Variants in FER1L6 observed in about 807,000 individuals in gnomAD.
FER1L6 encodes the protein fer-1 like family member 6.
Under a neutral mutation model 219.2 loss-of-function variants are expected in FER1L6, and 177 were observed. The ratio of observed to expected loss-of-function variants is 0.81; its 90% CI spans 0.71 to 0.91. The LOEUF (loss-of-function observed/expected upper bound fraction) is 0.91. Ranked by LOEUF, FER1L6 falls within the 40% of genes least tolerant of loss-of-function variation. The pLI, the probability that FER1L6 is intolerant of heterozygous loss-of-function variation, is 0.00. For synonymous variants in FER1L6, 768 were observed against 824.3 expected (o/e 0.93, Z 1.17); for missense variants, 2,153 against 2,259.9 (o/e 0.95, Z 0.96).
chr8:123,865,357 TG>T (rs1253325424), intron 1 of FER1L6, among the ~76,000 whole-genome samples: 1 of 149,918 alleles, frequency 6.7e-6, no homozygotes, highest in Non-Finnish European at 1.5e-5. Flanking sequence ...TCCAGCTGCG[TG>T]CTGGGAGAAC....
chr8:124,097,662 G>A (rs2130970254), intron 36 of FER1L6, 123 bp from the exon 37 acceptor site: 1 of 649,982 alleles, frequency 1.5e-6, no homozygotes, highest in Admixed American at 2.6e-5. Context: ...CCTAAGTGTT[G>A]ATATTTCTGA....
At chr8:123,991,046 T>C (rs916209871) in intron 12 of FER1L6, among the ~76,000 whole-genome samples, 1 of 152,250 alleles carries the variant, frequency 6.6e-6, no homozygotes, top group Admixed American at 6.5e-5. Flanking sequence ...TTCTGGGTTC[T>C]CTGTTCTGTT....
At chr8:124,016,022 T>C (rs537745102) in intron 15 of FER1L6, 42 of 152,942 alleles carry the variant, frequency 2.7e-4, no homozygotes, top group African/African-American at 9.9e-4. Flanking sequence ...AGGATGTCCA[T>C]AGCCAGCAGA....
rs117877821 is a variant in FER1L6, at chr8:123,911,517, A to C, written c.-7-44475A>C. On this transcript the variant is annotated intron_variant, in intron 1 of 40. Transcript: ENST00000522917. Reference sequence around the variant, plus strand: ...AGAAACCCTCTGTTAATCTTCAGAGAGATTAAGAAGCTTGATCAAAGGCAA... The same window carrying C: ...AGAAACCCTCTGTTAATCTTCAGAGCGATTAAGAAGCTTGATCAAAGGCAA... Among the ~76,000 whole-genome samples, 724 of 152,238 alleles carry C rather than the reference A, an allele frequency of 4.8e-3. 2 individuals carry two copies. Among genetic ancestry groups the C allele is most frequent in the Middle Eastern group, 0.017 (5 of 294 alleles).
At chr8:123,925,294 T>C (rs915769439) in intron 1 of FER1L6, among the ~76,000 whole-genome samples, 2 of 152,202 alleles carry the variant, frequency 1.3e-5, no homozygotes, top group Non-Finnish European at 2.9e-5. Flanking sequence ...TGACAGTGTT[T>C]CACTCATCTG....
chr8:124,097,081 A>G (rs955823331), intron 35 of FER1L6, among the ~76,000 whole-genome samples, 190 bp from the exon 36 acceptor site: 7 of 45,870 alleles, frequency 1.5e-4, no homozygotes, highest in Non-Finnish European at 3.4e-4. Flanking sequence ...AGATATATAT[A>G]TATATATATA....
intron 16 of FER1L6, among the ~76,000 whole-genome samples, chr8:124,019,422 C>T (rs1277577397): frequency 1.3e-5 from 2 of 152,182 alleles, no homozygotes; most frequent in Non-Finnish European, 2.9e-5. Flanking sequence ...ATTGTTTTCA[C>T]CTCACCATGT....
chr8:124,118,861 G>A lies in FER1L6; in HGVS notation c.5307G>A (p.Glu1769=), dbSNP rs755831637. The part of the protein sequence containing the change: ...SKELTGKVEA[E]FHLVTAEEAE... The stretch of plus-strand genomic sequence containing the variant: ...TTTTGCAGGGCAAGGTTGAAGCTGA[G>A]TTCCACCTAGTTACAGCAGAAGAAG... The change falls in exon 40 of 41, where the codon GAG becomes GAA. Residue 1769 remains glutamate, a synonymous_variant. Transcript: ENST00000522917. 18 of 1,613,964 alleles carry A rather than the reference G, an allele frequency of 1.1e-5. No individual in the cohort carries two copies. The highest frequency in any genetic ancestry group is 1.1e-5 in the South Asian group (1 of 91,074).
At chr8:124,058,649 A>C (rs561102438) in intron 22 of FER1L6, 1 of 152,340 alleles carries the variant, frequency 6.6e-6, no homozygotes, top group South Asian at 2.1e-4. Context: ...AGGATAAAAC[A>C]TATGATGCTT....
chr8:123,977,982 T>C (rs1487638641), intron 10 of FER1L6, among the ~76,000 whole-genome samples: 1 of 152,194 alleles, frequency 6.6e-6, no homozygotes, highest in Non-Finnish European at 1.5e-5. Flanking sequence ...GGATGGGTAC[T>C]GGTCCATGGC....
chr8:124,092,582 T>A (rs968657036), intron 34 of FER1L6, among the ~76,000 whole-genome samples: 29 of 152,190 alleles, frequency 1.9e-4, no homozygotes, highest in African/African-American at 6.8e-4. Context: ...CACATTTAAT[T>A]TAATTATACA....
intron 22 of FER1L6, among the ~76,000 whole-genome samples, chr8:124,057,602 C>T (rs1229702346): frequency 6.6e-6 from 1 of 151,922 alleles, no homozygotes; most frequent in Admixed American, 6.6e-5. Context: ...TTCTCCTTTC[C>T]TTGCCTCACC....
At chr8:124,028,620 CT>C (rs1319787756) in intron 18 of FER1L6, among the ~76,000 whole-genome samples, 2 of 152,284 alleles carry the variant, frequency 1.3e-5, no homozygotes, top group East Asian at 3.9e-4. Context: ...TGTAGAGCTG[CT>C]GTTCTTTGAG....
At chr8:123,950,587 C>A (rs1814713691) in intron 1 of FER1L6, among the ~76,000 whole-genome samples, 1 of 152,098 alleles carries the variant, frequency 6.6e-6, no homozygotes, top group Admixed American at 6.6e-5. Context: ...AATTAGCATC[C>A]TTGGAGGTGT....
intron 1 of FER1L6, among the ~76,000 whole-genome samples, chr8:123,903,168 T>C (rs1393403774): frequency 6.6e-6 from 1 of 152,226 alleles, no homozygotes; most frequent in Non-Finnish European, 1.5e-5. Context: ...TTGCAGTTGG[T>C]GCTTGCGGCT....
chr8:123,942,780 T>C (rs4871443), intron 1 of FER1L6, among the ~76,000 whole-genome samples: 35,407 of 152,218 alleles, frequency 0.23, 4,815 homozygotes, highest in East Asian at 0.41. Context: ...ATTCTTTTTG[T>C]AAATAATGGG....
intron 1 of FER1L6, among the ~76,000 whole-genome samples, chr8:123,951,408 G>A (rs1410227612): frequency 6.6e-6 from 1 of 152,168 alleles, no homozygotes; most frequent in Non-Finnish European, 1.5e-5. Context: ...ACTTACAGAG[G>A]CATGGCAAGG....
rs950533888 is a variant in FER1L6, at chr8:123,980,801, T to TC, written c.1406dup (p.Glu470GlyfsTer8). 3 of 1,612,842 alleles carry TC rather than the reference T, an allele frequency of 1.9e-6. No individual in the cohort carries two copies. Among genetic ancestry groups the TC allele is most frequent in the Non-Finnish European group, 1.7e-6 (2 of 1,179,440 alleles). ...GAGGTGGAGGTGGAATCGTTCGATG[T>TC]CCCCCCGGAGGTAGGTCTAGGCACT... is the stretch of plus-strand genomic sequence containing the variant. On this transcript the variant is annotated frameshift_variant, in exon 11 of 41. Transcript: ENST00000522917. LOFTEE classifies it high-confidence loss of function.
At chr8:123,988,211 C>T (rs757524084) in intron 12 of FER1L6, among the ~76,000 whole-genome samples, 1 of 152,182 alleles carries the variant, frequency 6.6e-6, no homozygotes, top group African/African-American at 2.4e-5. Flanking sequence ...CAGTACCACA[C>T]TGTTGTGGTT....
Sources: gnomAD v4.1 joint callset for allele counts (sites outside exome capture counted in the v4.1 genomes callset) on GRCh38, gnomAD v4.1.1 for gene constraint, MANE v1.5 for transcripts, NCBI Gene and HGNC (gene_info 2026-07-23, HGNC 2026-07-21) for gene names.